The following PTPRU variants were observed in gnomAD, a reference collection of about 807,000 sequenced individuals.
PTPRU encodes protein tyrosine phosphatase receptor type U, also known as receptor-type tyrosine-protein phosphatase U.
Under a neutral mutation model 166.3 loss-of-function variants are expected in PTPRU, and 69 were observed. The observed-to-expected ratio is 0.41, with a 90% confidence interval of 0.34 to 0.51. The LOEUF is 0.51. Among genes scored for constraint, PTPRU ranks in the 20% least tolerant of loss-of-function variants. PTPRU has a pLI of 0.09. For missense variants in PTPRU, 1,657 were observed against 2,013.7 expected (o/e 0.82, Z 3.39); for synonymous variants, 793 against 814.0 (o/e 0.97, Z 0.44).
chr1:29,276,179 CAG>C (rs1323553401), intron 8 of PTPRU, among the ~76,000 whole-genome samples: 1 of 152,108 alleles, frequency 6.6e-6, no homozygotes, highest in Non-Finnish European at 1.5e-5. Flanking sequence ...TATTTAGAGA[CAG>C]AGTCTTGCTC....
At chr1:29,261,476 A>G (rs997140169) in intron 7 of PTPRU, among the ~76,000 whole-genome samples, 11 of 152,168 alleles carry the variant, frequency 7.2e-5, no homozygotes, top group African/African-American at 2.7e-4. Context: ...TTTAATCAGA[A>G]GAGAAATTGA....
rs144825402 is a variant in PTPRU at position 29,312,590 on chromosome 1, C to T, written c.3111C>T (p.His1037=). The T allele has an allele frequency of 8.1e-6, 13 of 1,604,790 alleles. No individual in the cohort carries two copies. The African/African-American group carries it at 1.5e-4, about 18-fold the overall frequency. Residue 1037 remains histidine, a synonymous_variant, in exon 22 of 30, where the codon CAC becomes CAT. Coordinates refer to ENST00000373779, the MANE Select transcript of PTPRU (RefSeq NM_133178.4). ...YSARHEVRQF[H]FTAWPEHGVP... The stretch of plus-strand genomic sequence containing the variant: ...CCCGGCACGAGGTCCGCCAGTTCCA[C>T]TTCACAGCGTGGCCAGAGCATGGCG...
rs368690546 is a variant in PTPRU, at chr1:29,312,664, C to T, written c.3185C>T (p.Ala1062Val). Residue 1062 changes from alanine (A) to valine (V), a missense_variant, in exon 22 of 30, where the codon GCC becomes GTC. This residue lies in a region of PTPRU where 1,190 missense variants were observed against 1,477.4 expected (regional missense o/e 0.81). Transcript: ENST00000373779. Reference sequence around the variant, plus strand: ...CTGGCTTTCATCCGGCGCGTGAAGGCCTCCACCCCACCTGATGCCGGGCCC... The same window carrying T: ...CTGGCTTTCATCCGGCGCGTGAAGGTCTCCACCCCACCTGATGCCGGGCCC... ...GLLAFIRRVK[A>V]STPPDAGPIV... The T allele has an allele frequency of 6.2e-7, 1 of 1,610,966 alleles. No homozygotes were observed. The highest frequency in any genetic ancestry group is 1.3e-5 in the African/African-American group (1 of 75,022).
rs1331129353 is a variant in PTPRU, at chr1:29,301,618, T to TA, written c.2477-2236dup. ...TTTTATTGTACTTTAAGTTCTAGGG[T>TA]ACATGTGCACAATGTGCAGGTTTGT... On this transcript the variant is annotated intron_variant, in intron 15 of 29. Coordinates refer to ENST00000373779, the MANE Select transcript of PTPRU (RefSeq NM_133178.4). Among the ~76,000 whole-genome samples the TA allele has an allele frequency of 8.5e-5, 13 of 152,326 alleles. 1 individual carries two copies. Among genetic ancestry groups the TA allele is most frequent in the Admixed American group, 7.8e-4 (12 of 15,300 alleles).
chr1:29,255,580 G>T (rs1365033792), intron 2 of PTPRU, among the ~76,000 whole-genome samples, 174 bp downstream of exon 2: 2 of 152,152 alleles, frequency 1.3e-5, no homozygotes, highest in African/African-American at 4.8e-5. Context: ...GTCTAATTGT[G>T]CATGTCAGCT....
chr1:29,279,449 C>A lies in PTPRU; in HGVS notation c.1564-7C>A, dbSNP rs747324765. The A allele has an allele frequency of 2.5e-6, 4 of 1,613,592 alleles. No homozygotes were observed. Among genetic ancestry groups the A allele is most frequent in the Non-Finnish European group, 3.4e-6 (4 of 1,179,744 alleles). Reference sequence around the variant, plus strand: ...AGTGCCCACCTGCCTGCCAATCCTGCCCCCAGATCAGCTACCAGAGCATCG... The same window carrying A: ...AGTGCCCACCTGCCTGCCAATCCTGACCCCAGATCAGCTACCAGAGCATCG... On this transcript the variant is annotated splice_polypyrimidine_tract_variant and splice_region_variant and intron_variant, in intron 9 of 29. Transcript: ENST00000373779. The surrounding 1 kb of genome is among the most constrained non-coding windows in gnomAD (Gnocchi z 5.2).
intron 3 of PTPRU, 78 bp from the exon 4 acceptor site, chr1:29,259,183 G>A: frequency 6.9e-7 from 1 of 1,446,936 alleles, no homozygotes; most frequent in East Asian, 2.3e-5. Flanking sequence ...GGAGGCTGAG[G>A]CCGAGCTGAA....
chr1:29,261,533 A>G (rs1306890358), intron 7 of PTPRU, among the ~76,000 whole-genome samples: 2 of 152,074 alleles, frequency 1.3e-5, no homozygotes, highest in African/African-American at 4.8e-5. Context: ...TGTTGTTGTT[A>G]TTATTTTTCC....
At chr1:29,255,467 C>T in intron 2 of PTPRU, 61 bp downstream of exon 2, 3 of 1,597,058 alleles carry the variant, frequency 1.9e-6, no homozygotes, top group Non-Finnish European at 2.6e-6. Context: ...TTCTACCCAC[C>T]TGCTGTGTGA....
chr1:29,325,190 G>C lies in PTPRU; in HGVS notation c.4113-1G>C, dbSNP rs1301421787. The C allele has an allele frequency of 6.2e-7, 1 of 1,614,136 alleles. No homozygotes were observed. ...CCTCAGCTTTTGCATCTCTCATTCA[G>C]AAACGGGGGAGGACGCAGCGGCACC... On this transcript the variant is annotated splice_acceptor_variant, in intron 28 of 29. Coordinates refer to ENST00000373779, the MANE Select transcript of PTPRU (RefSeq NM_133178.4). LOFTEE classifies it high-confidence loss of function.
chr1:29,280,275 G>A lies in PTPRU; in HGVS notation c.1868+134G>A. The A allele has an allele frequency of 1.2e-6, 1 of 867,344 alleles. No homozygotes were observed. Among genetic ancestry groups the A allele is most frequent in the South Asian group, 1.7e-5 (1 of 57,262 alleles). 53.7% of individuals were successfully genotyped at this position (867,344 alleles called of 1,614,324 possible). Reference sequence around the variant, plus strand: ...TCCCACGCAGGGCTTGGAGTGTCTGGAGGAGATTGTTCTGTGATGCTTGGC... The same window carrying A: ...TCCCACGCAGGGCTTGGAGTGTCTGAAGGAGATTGTTCTGTGATGCTTGGC... On this transcript the variant is annotated intron_variant, in intron 11 of 29. Transcript: ENST00000373779. The surrounding 1 kb of genome is among the most constrained non-coding windows in gnomAD (Gnocchi z 4.2).
intron 25 of PTPRU, among the ~76,000 whole-genome samples, chr1:29,319,661 G>A (rs1038291451): frequency 1.3e-5 from 2 of 152,210 alleles, no homozygotes; most frequent in East Asian, 1.9e-4. Flanking sequence ...GGACCAGGGG[G>A]GCTCTTTGTT....
Position 29,311,107 on chromosome 1 carries a change from CCT to C in PTPRU, c.2857+331_2857+332del, listed in dbSNP as rs577928828. On this transcript the variant is annotated intron_variant, in intron 19 of 29. Transcript: ENST00000373779. The surrounding 1 kb of genome is among the most constrained non-coding windows in gnomAD (Gnocchi z 4.1). The stretch of plus-strand genomic sequence containing the variant: ...TCAGGCCTCATGGGTGTGGGTTGGG[CCT>C]CTCGGTCTGGTGGCTGCCTGGATTC... Among the ~76,000 whole-genome samples, 66 of 152,294 alleles carry C rather than the reference CCT, an allele frequency of 4.3e-4. 2 individuals are homozygous for C. In the South Asian group the frequency reaches 8.1e-3, roughly 19 times the overall value.
chr1:29,238,588 G>A lies in PTPRU; in HGVS notation c.73+1871G>A, dbSNP rs575541030. Among the ~76,000 whole-genome samples, 8 of 152,318 alleles carry A rather than the reference G, an allele frequency of 5.3e-5. No individual in the cohort carries two copies. Among genetic ancestry groups the A allele is most frequent in the African/African-American group, 1.9e-4 (8 of 41,578 alleles). On this transcript the variant is annotated intron_variant, in intron 1 of 29. Transcript: ENST00000373779. The surrounding 1 kb of genome is among the most constrained non-coding windows in gnomAD (Gnocchi z 6.1). ...GCGTTCGCGCCGGCCACTGGCCAGC[G>A]CTTGGGCCTCGCCCTGCAGCTCCGG...
At position 29,272,439 on chromosome 1, in the gene PTPRU, C is replaced by G. The variant is rs2151949837; in HGVS notation, c.1145-3009C>G. ...GGAGACATGCTGCTTGCCTGCATTCCAGGGAAGAAAGGAAACCTTCTGGGT... is the reference window on the plus strand; with the variant it reads ...GGAGACATGCTGCTTGCCTGCATTCGAGGGAAGAAAGGAAACCTTCTGGGT... On this transcript the variant is annotated intron_variant, in intron 7 of 29. Coordinates refer to ENST00000373779, the MANE Select transcript of PTPRU (RefSeq NM_133178.4). Among the ~76,000 whole-genome samples the G allele has an allele frequency of 2.0e-5, 3 of 152,258 alleles. 1 individual carries two copies. Among genetic ancestry groups the G allele is most frequent in the Admixed American group, 2.0e-4 (3 of 15,296 alleles).
At chr1:29,323,003 G>A (rs1212232273) in intron 26 of PTPRU, among the ~76,000 whole-genome samples, 1 of 151,482 alleles carries the variant, frequency 6.6e-6, no homozygotes, top group Non-Finnish European at 1.5e-5. Context: ...GCTGGGGGGA[G>A]GTTCTGGGGT....
intron 1 of PTPRU, among the ~76,000 whole-genome samples, chr1:29,239,029 G>A (rs1683915826): frequency 6.6e-6 from 1 of 152,222 alleles, no homozygotes; most frequent in African/African-American, 2.4e-5. Context: ...GGATTTGAGA[G>A]TTGTTGCAAA....
intron 26 of PTPRU, among the ~76,000 whole-genome samples, chr1:29,322,182 G>GCC (rs1574734509): frequency 6.6e-6 from 1 of 152,238 alleles, no homozygotes; most frequent in East Asian, 1.9e-4. Flanking sequence ...AGAGGGGAGA[G>GCC]GCCCAGAGGG....
At chr1:29,289,746 C>T (rs1686534859) in intron 14 of PTPRU, 1 of 1,610,700 alleles carries the variant, frequency 6.2e-7, no homozygotes, top group Non-Finnish European at 8.5e-7. Context: ...GAGTCCCCGG[C>T]CCTGCCTAGG....
Sources: allele counts gnomAD v4.1 joint callset (sites outside exome capture counted in the v4.1 genomes callset), GRCh38; gene constraint gnomAD v4.1.1; regional missense constraint gnomAD v4.1.1; non-coding constraint Gnocchi (gnomAD v3.1); transcripts MANE v1.5; gene names NCBI Gene and HGNC (gene_info 2026-07-23, HGNC 2026-07-21).